Variants in PRRC1 observed in about 807,000 individuals in gnomAD.
The protein encoded by PRRC1 is protein PRRC1.
PRRC1 carries 39 observed loss-of-function variants against 40.7 expected under a neutral mutation model. That is an observed-to-expected ratio of 0.96 (90% CI 0.74 to 1.25). The LOEUF (loss-of-function observed/expected upper bound fraction) is 1.25. PRRC1 is among the 50% of genes most tolerant of loss of function. The pLI, the probability that PRRC1 is intolerant of heterozygous loss-of-function variation, is 0.00. For synonymous variants in PRRC1, 175 were observed against 193.3 expected (o/e 0.91, Z 0.79); for missense variants, 573 against 548.3 (o/e 1.05, Z -0.45).
chr5:127,533,884 A>G (rs751479003), intron 6 of PRRC1, 98 bp downstream of exon 6: 4 of 1,267,208 alleles, frequency 3.2e-6, no homozygotes, highest in South Asian at 2.5e-5. Flanking sequence ...ATAGACTTTT[A>G]CATACTGAAA....
chr5:127,520,197 A>T (rs31192), intron 1 of PRRC1, among the ~76,000 whole-genome samples: 67,012 of 152,090 alleles, frequency 0.44, 16,040 homozygotes, highest in East Asian at 0.62. Flanking sequence ...GCCCTCTAGT[A>T]GTGACAATAA....
intron 7 of PRRC1, among the ~76,000 whole-genome samples, chr5:127,544,149 G>C (rs1409013358): frequency 6.6e-6 from 1 of 152,232 alleles, no homozygotes; most frequent in Non-Finnish European, 1.5e-5. Flanking sequence ...TCCAGACCCT[G>C]TTTGCCTGGG....
At chr5:127,528,269 G>A (rs1767677120) in intron 4 of PRRC1, among the ~76,000 whole-genome samples, 1 of 151,874 alleles carries the variant, frequency 6.6e-6, no homozygotes, top group South Asian at 2.1e-4. Context: ...TCAATTTCAG[G>A]AGTCAGTTCT....
rs553448486 is a variant in PRRC1, at chr5:127,553,688, C to A, written c.*1772C>A. The stretch of plus-strand genomic sequence containing the variant: ...CTATTATAAGGAAATCTTACAGATT[C>A]TAAAAATACCTTAATTTTTCTTTGA... On this transcript the variant is annotated 3_prime_UTR_variant, in exon 9 of 9. Coordinates refer to ENST00000296666, the MANE Select transcript of PRRC1 (RefSeq NM_130809.5). 2.2e-4 allele frequency: 322 copies of A among 1,485,510 alleles called. No individual in the cohort carries two copies. The highest frequency in any genetic ancestry group is 2.7e-4 in the Non-Finnish European group (308 of 1,124,284). The allele number at this position is 1,485,510 out of a possible 1,614,324, so 92.0% of individuals were successfully genotyped here.
chr5:127,547,872 T>C lies in PRRC1; in HGVS notation c.1079T>C (p.Leu360Pro). 6.2e-7 allele frequency: 1 copy of C among 1,613,772 alleles called. No homozygotes were observed. Among genetic ancestry groups the C allele is most frequent in the Non-Finnish European group, 8.5e-7 (1 of 1,179,750 alleles). The change falls in exon 8 of 9, where the codon CTA becomes CCA. Residue 360 changes from leucine to proline, a missense_variant. Transcript: ENST00000296666. ...VVEDPVHGIHLETFTQATPVP... is the reference protein window; with the variant it reads ...VVEDPVHGIHPETFTQATPVP... The stretch of plus-strand genomic sequence containing the variant: ...GAAGATCCTGTCCATGGCATTCATC[T>C]AGAAACATTTACACAAGCCACACCA...
At chr5:127,539,501 G>T (rs1767983055) in intron 7 of PRRC1, among the ~76,000 whole-genome samples, 1 of 152,026 alleles carries the variant, frequency 6.6e-6, no homozygotes, top group East Asian at 1.9e-4. Flanking sequence ...GGGCAAGAAG[G>T]CCTGATGGCA....
In PRRC1 at chr5:127,524,848, A is replaced by T; in HGVS notation, c.421A>T (p.Ile141Phe). The T allele has an allele frequency of 6.2e-7, 1 of 1,614,176 alleles. No homozygotes were observed. Among genetic ancestry groups the T allele is most frequent in the Non-Finnish European group, 8.5e-7 (1 of 1,180,010 alleles). The change falls in exon 3 of 9, where the codon ATT becomes TTT. Residue 141 changes from isoleucine (I) to phenylalanine (F), a missense_variant. Physicochemically the swap from Ile to Phe is conservative, Grantham distance 21. Transcript: ENST00000296666. ...ATTTTCTGTTGGTTCAACTTATGAC[A>T]TTACAAGGGGACATGCTGGGAGAGC... ...SGFSVGSTYD[I>F]TRGHAGRAPQ...
In PRRC1 at chr5:127,553,786, C is replaced by T. The variant is rs1161871186; in HGVS notation, c.*1870C>T. 1.3e-6 allele frequency: 2 copies of T among 1,535,054 alleles called. No individual in the cohort carries two copies. Among genetic ancestry groups the T allele is most frequent in the Admixed American group, 3.9e-5 (2 of 50,944 alleles). ...GTTCTCATAGAATCACAAATACTGACATTTCATTAGATGATTATTTTCCTA... is the reference window on the plus strand; with the variant it reads ...GTTCTCATAGAATCACAAATACTGATATTTCATTAGATGATTATTTTCCTA... On this transcript the variant is annotated 3_prime_UTR_variant, in exon 9 of 9. Transcript: ENST00000296666.
intron 3 of PRRC1, among the ~76,000 whole-genome samples, chr5:127,526,136 T>C (rs1257663441): frequency 1.3e-5 from 2 of 152,250 alleles, no homozygotes; most frequent in African/African-American, 2.4e-5. Flanking sequence ...CTGTGCTTTT[T>C]ATTATCTATC....
rs1430592438 is a variant in PRRC1, at chr5:127,539,098, C to G, written c.980C>G (p.Thr327Arg). The change falls in exon 7 of 9, where the codon ACA becomes AGA. Residue 327 changes from threonine (T) to arginine (R), a missense_variant. Thr to Arg is a moderately conservative substitution (Grantham distance 71). Transcript: ENST00000296666. ...RRTGVIHEKQ[T>R]AVSVENFIAE... ...ACTGGGGTGATCCATGAAAAACAGACAGCTGTGTCAGTAGAAAACTTCATT... is the reference window on the plus strand; with the variant it reads ...ACTGGGGTGATCCATGAAAAACAGAGAGCTGTGTCAGTAGAAAACTTCATT... The G allele has an allele frequency of 1.2e-6, 2 of 1,612,976 alleles. No homozygotes were observed. The highest frequency in any genetic ancestry group is 8.5e-7 in the Non-Finnish European group (1 of 1,179,070).
chr5:127,552,353 T>C lies in PRRC1; in HGVS notation c.*437T>C, dbSNP rs1428576042. Reference sequence around the variant, plus strand: ...CTTTTCTGTCAGTCTTTGACTACTTTTGTATGTGCACACGATCTCAGGGCT... The same window carrying C: ...CTTTTCTGTCAGTCTTTGACTACTTCTGTATGTGCACACGATCTCAGGGCT... On this transcript the variant is annotated 3_prime_UTR_variant, in exon 9 of 9. Coordinates refer to ENST00000296666, the MANE Select transcript of PRRC1 (RefSeq NM_130809.5). 2.9e-6 allele frequency: 3 copies of C among 1,017,052 alleles called. No homozygotes were observed. Among genetic ancestry groups the C allele is most frequent in the Non-Finnish European group, 3.5e-6 (3 of 847,960 alleles). The allele number at this position is 1,017,052 out of a possible 1,614,324, so 63.0% of individuals were successfully genotyped here.
At chr5:127,532,434 C>A (rs1435645630) in intron 5 of PRRC1, among the ~76,000 whole-genome samples, 1 of 152,056 alleles carries the variant, frequency 6.6e-6, no homozygotes, top group East Asian at 1.9e-4. Flanking sequence ...CACAAATATT[C>A]TAGAAATCAT....
intron 1 of PRRC1, among the ~76,000 whole-genome samples, chr5:127,518,933 A>G (rs1051468911): frequency 6.6e-6 from 1 of 152,192 alleles, no homozygotes; most frequent in African/African-American, 2.4e-5. Flanking sequence ...TTATCATAAT[A>G]GGTTTTTTTA....
chr5:127,541,790 G>A (rs766645537), intron 7 of PRRC1, among the ~76,000 whole-genome samples: 11,580 of 151,022 alleles, frequency 0.077, 936 homozygotes, highest in African/African-American at 0.23. Context: ...TCTTGCTAGC[G>A]GTCTATCAAT....
At chr5:127,529,044 G>C (rs1002075176) in intron 4 of PRRC1, among the ~76,000 whole-genome samples, 10 of 152,246 alleles carry the variant, frequency 6.6e-5, no homozygotes, top group South Asian at 2.1e-4. Context: ...GACAGTTCAA[G>C]TCTGCATTTA....
chr5:127,520,265 A>G (rs551971191), intron 1 of PRRC1, among the ~76,000 whole-genome samples: 15 of 152,328 alleles, frequency 9.8e-5, no homozygotes, highest in Non-Finnish European at 1.5e-4. Context: ...CCTTCCCACT[A>G]TGAAAATCAT....
At chr5:127,537,780 T>C (rs886902449) in intron 6 of PRRC1, among the ~76,000 whole-genome samples, 8 of 151,614 alleles carry the variant, frequency 5.3e-5, no homozygotes, top group African/African-American at 1.2e-4. Context: ...AATCAAACTT[T>C]AGCCATAACT....
rs556050449 is a variant in PRRC1, at chr5:127,547,915, A to G, written c.1122A>G (p.Val374=). The change falls in exon 8 of 9, where the codon GTA becomes GTG. Residue 374 remains valine (V), a synonymous_variant. Transcript: ENST00000296666. ...CCACACCAGTGCCTTTGGAATTTGT[A>G]CAGCAGGTTGGTTTTCTCCTTTGCT... is the stretch of plus-strand genomic sequence containing the variant. ...TQATPVPLEF[V]QQAQSLTPQD... is the part of the protein sequence containing the mutation. 1.3e-4 allele frequency: 202 copies of G among 1,610,680 alleles called. 3 individuals are homozygous for G. In the South Asian group the frequency reaches 2.0e-3, roughly 16 times the overall value.
rs765008275 is a variant in PRRC1, at chr5:127,524,521, T to G, written c.104-10T>G. 1 of 1,587,368 alleles carries G rather than the reference T, an allele frequency of 6.3e-7. No individual in the cohort carries two copies. The highest frequency in any genetic ancestry group is 2.3e-5 in the East Asian group (1 of 44,422). ...AATTCTGTGCTTTTATCCTCTCCAC[T>G]TTTTTCTAGCGGCAACCAGTTCTTT... On this transcript the variant is annotated splice_polypyrimidine_tract_variant and intron_variant, in intron 2 of 8. Coordinates refer to ENST00000296666, the MANE Select transcript of PRRC1 (RefSeq NM_130809.5).
Sources: gnomAD v4.1 joint callset for allele counts (sites outside exome capture counted in the v4.1 genomes callset) on GRCh38, gnomAD v4.1.1 for gene constraint, MANE v1.5 for transcripts, NCBI Gene and HGNC (gene_info 2026-07-23, HGNC 2026-07-21) for gene names.